Variants in USP15 observed in about 807,000 individuals in gnomAD.
USP15 encodes the protein ubiquitin specific peptidase 15.
A neutral mutation model predicts 127.1 loss-of-function variants in USP15; 18 were observed. The ratio of observed to expected loss-of-function variants is 0.14; its 90% CI spans 0.10 to 0.21. The LOEUF (loss-of-function observed/expected upper bound fraction) is 0.21, where lower values mean the gene tolerates loss of function less well. USP15 is among the 10% of genes least tolerant of loss of function. The pLI, the probability that USP15 is intolerant of heterozygous loss-of-function variation, is 1.00. For missense variants in USP15, 805 were observed against 1,159.9 expected (o/e 0.69, Z 4.44); for synonymous variants, 364 against 393.7 (o/e 0.92, Z 0.89).
At chr12:62,369,757 A>C (rs988850628) in intron 8 of USP15, among the ~76,000 whole-genome samples, 2 of 152,184 alleles carry the variant, frequency 1.3e-5, no homozygotes, top group Non-Finnish European at 2.9e-5. Context: ...AAGTATTTTT[A>C]AAATGAAACA....
rs1160160751 is a variant in USP15, at chr12:62,404,258, T to C, written c.2829T>C (p.Pro943=). ...CTTTCAGTGGAACTGGCTTTTTTCC[T>C]CTTGACCGAGAAACTAAAGGTGCTT... ...QDTFSGTGFF[P]LDRETKGASA... Residue 943 remains proline (P), a synonymous_variant, in exon 22 of 22, where the codon CCT becomes CCC. Coordinates refer to ENST00000280377, the MANE Select transcript of USP15 (RefSeq NM_001252078.2). 2 of 1,613,380 alleles carry C rather than the reference T, an allele frequency of 1.2e-6. No individual in the cohort carries two copies. Among genetic ancestry groups the C allele is most frequent in the South Asian group, 1.1e-5 (1 of 91,054 alleles).
chr12:62,268,883 C>G (rs1011766118), intron 1 of USP15, among the ~76,000 whole-genome samples: 1 of 152,082 alleles, frequency 6.6e-6, no homozygotes, highest in African/African-American at 2.4e-5. Flanking sequence ...ACCTCATACC[C>G]ATTAATAGTC....
intron 6 of USP15, among the ~76,000 whole-genome samples, chr12:62,341,651 T>A (rs904056171): frequency 2.0e-5 from 3 of 152,214 alleles, no homozygotes; most frequent in African/African-American, 7.2e-5. Context: ...TTTGTTTGCC[T>A]GGATATGAAA....
At chr12:62,396,963 C>T (rs755928566) in intron 20 of USP15, among the ~76,000 whole-genome samples, 9 of 152,150 alleles carry the variant, frequency 5.9e-5, no homozygotes, top group Non-Finnish European at 1.0e-4. Flanking sequence ...ATTTGGGCTG[C>T]GTGCCCAAAA....
At chr12:62,372,105 G>GA (rs1341082058) in intron 8 of USP15, among the ~76,000 whole-genome samples, 4 of 152,052 alleles carry the variant, frequency 2.6e-5, no homozygotes, top group African/African-American at 9.7e-5. Flanking sequence ...CACTGCATTA[G>GA]AAAAAATTAT....
chr12:62,277,981 C>G (rs527387979), intron 1 of USP15, among the ~76,000 whole-genome samples: 128 of 152,210 alleles, frequency 8.4e-4, no homozygotes, highest in African/African-American at 3.0e-3. Flanking sequence ...ATGTTTTTGA[C>G]TCGTTTGTTA....
intron 1 of USP15, among the ~76,000 whole-genome samples, chr12:62,280,993 C>T (rs1209798226): frequency 3.3e-5 from 5 of 152,102 alleles, no homozygotes; most frequent in African/African-American, 1.2e-4. Context: ...CTTATCTGGA[C>T]CCTAATAGTA....
chr12:62,321,405 G>C, intron 4 of USP15, 59 bp from the exon 5 acceptor site: 1 of 1,079,764 alleles, frequency 9.3e-7, no homozygotes, highest in Non-Finnish European at 1.3e-6. Flanking sequence ...ACATTTAGCT[G>C]TATGTGGTAT....
chr12:62,396,515 G>C, intron 20 of USP15, 117 bp downstream of exon 20: 1 of 857,330 alleles, frequency 1.2e-6, no homozygotes, highest in Non-Finnish European at 1.9e-6. Context: ...CTTGCATATA[G>C]TAGTTCAGTA....
At chr12:62,343,416 G>A (rs533698596) in intron 6 of USP15, among the ~76,000 whole-genome samples, 8 of 152,258 alleles carry the variant, frequency 5.3e-5, no homozygotes, top group South Asian at 2.1e-4. Context: ...CCAGGGGAGC[G>A]AATGGTTCTG....
rs1201339741 is a variant in USP15, at chr12:62,409,039, A to T, written c.*4664A>T. ...AGGAAAATAAAATATAGATGGTAAA[A>T]ATTCAAATATTTATCAAGACTTTTT... On this transcript the variant is annotated 3_prime_UTR_variant, in exon 22 of 22. Transcript: ENST00000280377. 6.6e-6 allele frequency: 1 copy of T among 152,084 alleles called. No homozygotes were observed. Among genetic ancestry groups the T allele is most frequent in the Admixed American group, 6.6e-5 (1 of 15,260 alleles). The allele number at this position is 152,084 out of a possible 1,614,324, so 9.4% of individuals were successfully genotyped here. A position where few individuals can be genotyped will look rare whatever the true frequency, so the allele number is the denominator to read the frequency against.
chr12:62,377,949 G>A (rs1200574899), intron 8 of USP15, among the ~76,000 whole-genome samples: 1 of 152,044 alleles, frequency 6.6e-6, no homozygotes, highest in Non-Finnish European at 1.5e-5. Context: ...GCTCATGACT[G>A]TAATCCCAGC....
At chr12:62,368,885 G>A (rs1370956354) in intron 8 of USP15, among the ~76,000 whole-genome samples, 3 of 152,168 alleles carry the variant, frequency 2.0e-5, no homozygotes, top group East Asian at 3.8e-4. Context: ...GGTTGATGCT[G>A]TTTTTTCATA....
In USP15 at chr12:62,407,369, T is replaced by A. The variant is rs2067902258; in HGVS notation, c.*2994T>A. ...TTATAGTGTCTGCCTCATAGGATTG[T>A]TGAGAGCTCAAATGAGATCATGTAT... is the stretch of plus-strand genomic sequence containing the variant. On this transcript the variant is annotated 3_prime_UTR_variant, in exon 22 of 22. Transcript: ENST00000280377. 6.6e-6 allele frequency: 1 copy of A among 152,214 alleles called. No individual in the cohort carries two copies. The highest frequency in any genetic ancestry group is 6.6e-5 in the Admixed American group (1 of 15,266). 9.4% of individuals were successfully genotyped at this position (152,214 alleles called of 1,614,324 possible). A position where few individuals can be genotyped will look rare whatever the true frequency, so the allele number is the denominator to read the frequency against.
intron 3 of USP15, among the ~76,000 whole-genome samples, chr12:62,310,120 T>C (rs562576102): frequency 3.3e-5 from 5 of 151,986 alleles, no homozygotes; most frequent in Non-Finnish European, 7.4e-5. Context: ...TTGCCTGATA[T>C]AAGGGCAGTA....
rs1266835969 is a variant in USP15, at chr12:62,389,956, C to A, written c.1812C>A (p.Asp604Glu). Residue 604 changes from aspartate (D) to glutamate (E), a missense_variant, in exon 14 of 22, where the codon GAC (aspartate) becomes GAA (glutamate). Asp to Glu is a conservative substitution (Grantham distance 45, BLOSUM62 2). Coordinates refer to ENST00000280377, the MANE Select transcript of USP15 (RefSeq NM_001252078.2). ...CTGTACCACGAAACAATACTGAAGACAAACTTTATAATCTCCTGCTCTTGA... is the reference window on the plus strand; with the variant it reads ...CTGTACCACGAAACAATACTGAAGAAAAACTTTATAATCTCCTGCTCTTGA... Reference protein sequence around the residue: ...LMAVPRNNTEDKLYNLLLLRM... With the variant: ...LMAVPRNNTEEKLYNLLLLRM... 61 of 1,611,168 alleles carry A rather than the reference C, an allele frequency of 3.8e-5. No homozygotes were observed. Among genetic ancestry groups the A allele is most frequent in the Non-Finnish European group, 5.2e-5 (61 of 1,178,712 alleles).
intron 6 of USP15, among the ~76,000 whole-genome samples, chr12:62,333,389 C>T (rs764125140): frequency 6.6e-6 from 1 of 152,152 alleles, no homozygotes; most frequent in Non-Finnish European, 1.5e-5. Context: ...ACCTCAGCCT[C>T]CCAAGTAGCT....
At position 62,373,237 on chromosome 12, in the gene USP15, A is replaced by G. The variant is rs114962001; in HGVS notation, c.916-8253A>G. ...GTTACAGAATTTACTCACTGCAAGTAATAGGGTAGTCTTTTTGACAAACTT... is the reference window on the plus strand; with the variant it reads ...GTTACAGAATTTACTCACTGCAAGTGATAGGGTAGTCTTTTTGACAAACTT... On this transcript the variant is annotated intron_variant, in intron 8 of 21. Transcript: ENST00000280377. Among the ~76,000 whole-genome samples the G allele has an allele frequency of 7.0e-3, 1,068 of 152,140 alleles. 9 individuals are homozygous for G. The highest frequency in any genetic ancestry group is 0.023 in the African/African-American group (974 of 41,546).
intron 1 of USP15, among the ~76,000 whole-genome samples, chr12:62,268,373 G>T (rs575425219): frequency 6.6e-6 from 1 of 152,142 alleles, no homozygotes; most frequent in Admixed American, 6.5e-5. Flanking sequence ...ACAAATACTT[G>T]AAAGTATTAA....
Sources: allele counts gnomAD v4.1 joint callset (sites outside exome capture counted in the v4.1 genomes callset), GRCh38; gene constraint gnomAD v4.1.1; transcripts MANE v1.5; gene names NCBI Gene and HGNC (gene_info 2026-07-23, HGNC 2026-07-21).